ZDHHC14: variants seen among roughly 807,000 people sequenced by gnomAD.
ZDHHC14 encodes the protein palmitoyltransferase ZDHHC14.
A neutral mutation model predicts 47.7 loss-of-function variants in ZDHHC14; 16 were observed. That is an observed-to-expected ratio of 0.34 (90% confidence interval 0.23 to 0.51). The LOEUF is 0.51. ZDHHC14 is among the 20% of genes least tolerant of loss of function. The probability of loss-of-function intolerance (pLI) is 0.97; values close to 1 mark genes in which losing one functional copy is unlikely to be tolerated. For missense variants in ZDHHC14, 515 were observed against 662.5 expected, an observed-to-expected ratio of 0.78 and a Z score of 2.44; for synonymous variants, 293 against 278.9, an observed-to-expected ratio of 1.05 and a Z score of -0.50.
At chr6:157,604,705 G>A (rs569900639) in intron 3 of ZDHHC14, among the ~76,000 whole-genome samples, 4 of 152,196 alleles carry the variant, frequency 2.6e-5, no homozygotes, top group Non-Finnish European at 4.4e-5. Context: ...CACCACACCC[G>A]GCTAATTTTT....
rs140238336 is a variant in ZDHHC14 at position 157,623,988 on chromosome 6, G to A, written c.566-4361G>A. On this transcript the variant is annotated intron_variant, in intron 3 of 8. Transcript: ENST00000359775. ...TTGTTTAAAGAACTTCCCATCACACGTGCCCCTAACCCTACCCTGGCACAC... is the reference window on the plus strand; with the variant it reads ...TTGTTTAAAGAACTTCCCATCACACATGCCCCTAACCCTACCCTGGCACAC... Among the ~76,000 whole-genome samples, 353 of 152,256 alleles carry A rather than the reference G, an allele frequency of 2.3e-3. 4 individuals are homozygous for A. Among genetic ancestry groups the A allele is most frequent in the African/African-American group, 7.4e-3 (306 of 41,534 alleles).
chr6:157,629,553 T>C (rs984451518), intron 4 of ZDHHC14: 1 of 152,170 alleles, frequency 6.6e-6, no homozygotes, highest in Non-Finnish European at 1.5e-5. Flanking sequence ...TGGGAGAGAA[T>C]GTTTTGCATT....
At chr6:157,518,264 G>C (rs1780773340) in intron 1 of ZDHHC14, among the ~76,000 whole-genome samples, 1 of 151,940 alleles carries the variant, frequency 6.6e-6, no homozygotes. Flanking sequence ...CACACTGATG[G>C]ACCTGCCATT....
At chr6:157,639,614 T>C (rs1303091751) in intron 5 of ZDHHC14, among the ~76,000 whole-genome samples, 3 of 152,172 alleles carry the variant, frequency 2.0e-5, no homozygotes, top group Non-Finnish European at 4.4e-5. Flanking sequence ...AACATTTATC[T>C]TGCATCAGGG....
chr6:157,500,169 T>G (rs1780163588), intron 1 of ZDHHC14, among the ~76,000 whole-genome samples: 1 of 152,052 alleles, frequency 6.6e-6, no homozygotes, highest in Admixed American at 6.5e-5. Flanking sequence ...GGATTGAGAC[T>G]TGAATATATG....
chr6:157,504,433 C>T (rs550251558), intron 1 of ZDHHC14, among the ~76,000 whole-genome samples: 3 of 148,930 alleles, frequency 2.0e-5, no homozygotes, highest in African/African-American at 7.5e-5. Context: ...CAGGCGTGAG[C>T]CACCGCACCC....
chr6:157,520,494 C>T (rs1780874997), intron 1 of ZDHHC14, among the ~76,000 whole-genome samples: 2 of 152,144 alleles, frequency 1.3e-5, no homozygotes, highest in African/African-American at 4.8e-5. Context: ...CATCTACAGC[C>T]ACTGAACAAT....
chr6:157,617,904 G>A (rs1364097033), intron 3 of ZDHHC14, among the ~76,000 whole-genome samples: 1 of 152,142 alleles, frequency 6.6e-6, no homozygotes, highest in African/African-American at 2.4e-5. Context: ...TCGAGTGAGT[G>A]AAATACAGAA....
At chr6:157,437,761 A>G (rs924458412) in intron 1 of ZDHHC14, among the ~76,000 whole-genome samples, 2 of 152,210 alleles carry the variant, frequency 1.3e-5, no homozygotes, top group Non-Finnish European at 2.9e-5. Flanking sequence ...ATATATTTAA[A>G]ACCAAAAAAT....
At chr6:157,655,045 C>T (rs964678430) in intron 8 of ZDHHC14, among the ~76,000 whole-genome samples, 14 of 152,074 alleles carry the variant, frequency 9.2e-5, no homozygotes, top group Non-Finnish European at 1.5e-4. Context: ...TGTTTTCTTT[C>T]GAAGCAAGTA....
At chr6:157,500,454 G>A (rs575385652) in intron 1 of ZDHHC14, among the ~76,000 whole-genome samples, 22 of 152,200 alleles carry the variant, frequency 1.4e-4, no homozygotes, top group Admixed American at 1.0e-3. Context: ...AGAGTGGGAC[G>A]TAAGGGGGCA....
chr6:157,547,460 T>C (rs189126635), intron 2 of ZDHHC14, among the ~76,000 whole-genome samples: 1,598 of 151,968 alleles, frequency 0.011, 18 homozygotes, highest in Non-Finnish European at 0.018. Flanking sequence ...GAGCATCCCC[T>C]GGGAAGACTT....
chr6:157,585,666 A>T (rs1783666714), intron 2 of ZDHHC14, among the ~76,000 whole-genome samples: 1 of 152,202 alleles, frequency 6.6e-6, no homozygotes, highest in South Asian at 2.1e-4. Context: ...GTGTGTCTGA[A>T]AGCCATGGGC....
intron 5 of ZDHHC14, among the ~76,000 whole-genome samples, chr6:157,636,957 G>A (rs141745554): frequency 2.1e-3 from 324 of 152,324 alleles, no homozygotes; most frequent in African/African-American, 7.6e-3. Context: ...CTTTCTGTTT[G>A]AAATATGTGC....
chr6:157,604,955 A>AT (rs1358364685), intron 3 of ZDHHC14, among the ~76,000 whole-genome samples: 1 of 152,212 alleles, frequency 6.6e-6, no homozygotes, highest in Non-Finnish European at 1.5e-5. Flanking sequence ...AAGATGAAAC[A>AT]TACCTTACCA....
rs1011988897 is a variant in ZDHHC14 at position 157,675,857 on chromosome 6, G to A, written c.*2735G>A. Reference sequence around the variant, plus strand: ...TCAGTGTGTTAGAGATTGATTACATGCTAGCTATAAAAAGTAAAATAAATA... The same window carrying A: ...TCAGTGTGTTAGAGATTGATTACATACTAGCTATAAAAAGTAAAATAAATA... On this transcript the variant is annotated 3_prime_UTR_variant, in exon 9 of 9. Coordinates refer to ENST00000359775, the MANE Select transcript of ZDHHC14 (RefSeq NM_024630.3). The A allele has an allele frequency of 6.6e-6, 1 of 152,238 alleles. No individual in the cohort carries two copies. The highest frequency in any genetic ancestry group is 1.5e-5 in the Non-Finnish European group (1 of 68,048). The allele number at this position is 152,238 out of a possible 1,614,324, so 9.4% of individuals were successfully genotyped here.
At chr6:157,672,624 A>AGCCCC in intron 8 of ZDHHC14, 100 bp from the exon 9 acceptor site, 6 of 273,144 alleles carry the variant, frequency 2.2e-5, no homozygotes, top group East Asian at 1.3e-4. Flanking sequence ...CTCTTCTCGC[A>AGCCCC]CCCCACCCTC....
intron 1 of ZDHHC14, among the ~76,000 whole-genome samples, chr6:157,511,593 C>A (rs1465210235): frequency 2.1e-5 from 3 of 143,010 alleles, no homozygotes. Flanking sequence ...GGGGTTTCTC[C>A]GTGTTGGTCA....
At chr6:157,408,680 A>G (rs1777815731) in intron 1 of ZDHHC14, among the ~76,000 whole-genome samples, 1 of 152,248 alleles carries the variant, frequency 6.6e-6, no homozygotes, top group East Asian at 1.9e-4. Flanking sequence ...GCATATATGT[A>G]CCACATTTTC....
Sources: allele counts gnomAD v4.1 joint callset (sites outside exome capture counted in the v4.1 genomes callset), GRCh38; gene constraint gnomAD v4.1.1; transcripts MANE v1.5; gene names NCBI Gene and HGNC (gene_info 2026-07-23, HGNC 2026-07-21).